Variants in WWOX observed in about 807,000 individuals in gnomAD.
The protein encoded by WWOX is WW domain containing oxidoreductase.
WWOX carries 69 observed loss-of-function variants against 46.2 expected under a neutral mutation model. The observed-to-expected ratio is 1.49, with a 90% CI of 1.23 to 1.82. The LOEUF is 1.82. Ranked by LOEUF, WWOX falls within the 40% of genes most tolerant of loss-of-function variation. WWOX has a pLI of 0.00. For missense variants in WWOX, 919 were observed against 542.6 expected (o/e 1.69, Z -6.89); for synonymous variants, 359 against 202.6 (o/e 1.77, Z -6.56).
chr16:78,487,469 C>A (rs141179708), intron 8 of WWOX, among the ~76,000 whole-genome samples: 2 of 152,154 alleles, frequency 1.3e-5, no homozygotes, highest in South Asian at 2.1e-4. Flanking sequence ...CATGGTGTTA[C>A]AACAGCGGGA....
At chr16:79,142,667 A>T (rs552387804) in intron 8 of WWOX, among the ~76,000 whole-genome samples, 88 of 152,274 alleles carry the variant, frequency 5.8e-4, no homozygotes, top group African/African-American at 2.0e-3. Context: ...ACGTTAATAG[A>T]AATATAAGAA....
At chr16:78,375,908 G>A (rs2081811378) in intron 5 of WWOX, among the ~76,000 whole-genome samples, 1 of 147,910 alleles carries the variant, frequency 6.8e-6, no homozygotes, top group South Asian at 2.1e-4. Flanking sequence ...CTCGAGTGCA[G>A]TGGCATGATG....
intron 8 of WWOX, among the ~76,000 whole-genome samples, chr16:79,102,221 T>G (rs2049214874): frequency 6.6e-6 from 1 of 152,142 alleles, no homozygotes; most frequent in African/African-American, 2.4e-5. Flanking sequence ...ATAACTTGCC[T>G]ATAAACATAA....
intron 8 of WWOX, among the ~76,000 whole-genome samples, chr16:78,630,993 T>G (rs2046415459): frequency 6.6e-6 from 1 of 152,210 alleles, no homozygotes; most frequent in East Asian, 1.9e-4. Context: ...TTTTTGTCAT[T>G]ATTCCTTAAA....
At chr16:78,832,599 G>C (rs1475568611) in intron 8 of WWOX, among the ~76,000 whole-genome samples, 1 of 152,148 alleles carries the variant, frequency 6.6e-6, no homozygotes, top group Non-Finnish European at 1.5e-5. Flanking sequence ...CAGTGGCATG[G>C]AGTGTGGGAA....
chr16:78,858,271 A>G (rs2151187969), intron 8 of WWOX, among the ~76,000 whole-genome samples: 1 of 150,972 alleles, frequency 6.6e-6, no homozygotes, highest in Non-Finnish European at 1.5e-5. Context: ...GATTTATCAG[A>G]TTTCAGTGTA....
intron 5 of WWOX, among the ~76,000 whole-genome samples, chr16:78,306,636 A>G (rs1219026299): frequency 6.6e-6 from 1 of 151,474 alleles, no homozygotes; most frequent in African/African-American, 2.4e-5. Flanking sequence ...AGTGAGCCCA[A>G]CTCCTTACCA....
chr16:78,424,937 C>T lies in WWOX; in HGVS notation c.673C>T (p.Leu225=). Residue 225 remains leucine (L), a synonymous_variant, in exon 7 of 9, where the codon CTG becomes TTG. Coordinates refer to ENST00000566780, the MANE Select transcript of WWOX (RefSeq NM_016373.4). ...ALPWSLTKDG[L]ETTFQVNHLG... Reference sequence around the variant, plus strand: ...ACCCTGGAGTCTCACCAAAGATGGCCTGGAGACCACCTTTCAAGTGAATCA... The same window carrying T: ...ACCCTGGAGTCTCACCAAAGATGGCTTGGAGACCACCTTTCAAGTGAATCA... 1 of 1,614,180 alleles carries T rather than the reference C, an allele frequency of 6.2e-7. No individual in the cohort carries two copies. Among genetic ancestry groups the T allele is most frequent in the Non-Finnish European group, 8.5e-7 (1 of 1,180,034 alleles).
intron 8 of WWOX, among the ~76,000 whole-genome samples, chr16:79,200,242 A>T (rs2051320271): frequency 6.6e-6 from 1 of 152,136 alleles, no homozygotes; most frequent in African/African-American, 2.4e-5. Context: ...AAGGAGGAGA[A>T]AGGTCCCTGC....
chr16:78,646,086 C>A (rs563130420), intron 8 of WWOX, among the ~76,000 whole-genome samples: 13 of 152,168 alleles, frequency 8.5e-5, no homozygotes, highest in Non-Finnish European at 1.5e-4. Context: ...CGCATACTCT[C>A]CTCATGTCAA....
At chr16:78,963,636 A>G (rs1022000542) in intron 8 of WWOX, among the ~76,000 whole-genome samples, 1 of 152,216 alleles carries the variant, frequency 6.6e-6, no homozygotes, top group Non-Finnish European at 1.5e-5. Context: ...AATTAAGGTG[A>G]TGTCATGATA....
At chr16:78,909,471 C>G (rs934887926) in intron 8 of WWOX, among the ~76,000 whole-genome samples, 1 of 152,186 alleles carries the variant, frequency 6.6e-6, no homozygotes, top group Non-Finnish European at 1.5e-5. Context: ...AAAACAGGAG[C>G]TGTATTTCAT....
chr16:79,134,359 C>G (rs980610912), intron 8 of WWOX, among the ~76,000 whole-genome samples: 2 of 152,050 alleles, frequency 1.3e-5, no homozygotes, highest in East Asian at 3.9e-4. Flanking sequence ...TAAGAAAGTA[C>G]ACTGTAAGGT....
intron 8 of WWOX, chr16:78,525,184 CTTTTT>C (rs56305807): frequency 3.9e-5 from 4 of 102,180 alleles, no homozygotes; most frequent in Non-Finnish European, 7.9e-5. Context: ...TTTTTCTTTT[CTTTTT>C]TTTTTTTTTT....
intron 6 of WWOX, among the ~76,000 whole-genome samples, chr16:78,407,278 A>G (rs924047619): frequency 6.6e-6 from 1 of 152,150 alleles, no homozygotes; most frequent in African/African-American, 2.4e-5. Flanking sequence ...AGTATTTCCA[A>G]ATACTATGAA....
chr16:78,106,706 G>A lies in WWOX; in HGVS notation c.108-1717G>A, dbSNP rs141299429. Among the ~76,000 whole-genome samples the A allele has an allele frequency of 7.4e-3, 1,120 of 152,224 alleles. 7 individuals are homozygous for A. Among genetic ancestry groups the A allele is most frequent in the South Asian group, 0.013 (63 of 4,812 alleles). Reference sequence around the variant, plus strand: ...ACTGGGATTACAGACATGAGCCACCGCGCCCGGCCACAGAGCTGCTTTTTT... The same window carrying A: ...ACTGGGATTACAGACATGAGCCACCACGCCCGGCCACAGAGCTGCTTTTTT... On this transcript the variant is annotated intron_variant, in intron 1 of 8. Transcript: ENST00000566780.
chr16:78,866,764 A>G (rs543336778), intron 8 of WWOX, among the ~76,000 whole-genome samples: 11 of 152,320 alleles, frequency 7.2e-5, no homozygotes, highest in South Asian at 2.1e-4. Flanking sequence ...CGGGCTATCC[A>G]GGGAATTGGG....
intron 5 of WWOX, among the ~76,000 whole-genome samples, chr16:78,307,899 A>G (rs770333523): frequency 6.6e-5 from 10 of 152,158 alleles, no homozygotes; most frequent in Non-Finnish European, 1.0e-4. Context: ...TCACACTCTA[A>G]TTTAGCACAG....
In WWOX at chr16:78,458,605, T is replaced by C. The variant is rs998431674; in HGVS notation, c.1056+25853T>C. Among the ~76,000 whole-genome samples the C allele has an allele frequency of 3.3e-5, 5 of 152,282 alleles. No homozygotes were observed. In the South Asian group the frequency reaches 8.3e-4, roughly 25 times the overall value. ...TCTTAAACATTTATTTATTTTCTTA[T>C]ATTTACAGCATATGTGGTCATTTAA... On this transcript the variant is annotated intron_variant, in intron 8 of 8. Coordinates refer to ENST00000566780, the MANE Select transcript of WWOX (RefSeq NM_016373.4).
Sources: gnomAD v4.1 joint callset for allele counts (sites outside exome capture counted in the v4.1 genomes callset) on GRCh38, gnomAD v4.1.1 for gene constraint, MANE v1.5 for transcripts, NCBI Gene and HGNC (gene_info 2026-07-23, HGNC 2026-07-21) for gene names.